DOCK11: variants seen among roughly 807,000 people sequenced by gnomAD.
DOCK11 encodes dedicator of cytokinesis 11.
Under a neutral mutation model 169.1 loss-of-function variants are expected in DOCK11, and 70 were observed. The observed-to-expected ratio is 0.41, with a 90% confidence interval of 0.34 to 0.51. The LOEUF is 0.51. Among genes scored for constraint, DOCK11 ranks in the 20% least tolerant of loss-of-function variants. DOCK11 has a pLI of 0.10. For synonymous variants in DOCK11, 529 were observed against 541.3 expected (o/e 0.98, Z 0.32); for missense variants, 1,166 against 1,538.8 (o/e 0.76, Z 4.05).
chrX:118,662,610 C>A, intron 44 of DOCK11, 76 bp from the exon 45 acceptor site: 1 of 505,653 alleles, frequency 2.0e-6, no homozygotes, highest in Non-Finnish European at 3.4e-6. Context: ...TTAAATAGCC[C>A]ATCTCTGTAA....
chrX:118,530,156 C>T (rs745477427), intron 1 of DOCK11, among the ~76,000 whole-genome samples: 1 of 112,871 alleles, frequency 8.9e-6, no homozygotes, highest in East Asian at 2.8e-4. Flanking sequence ...ATCTCTGTCA[C>T]ACAAGGACAA....
intron 48 of DOCK11, among the ~76,000 whole-genome samples, chrX:118,678,722 C>G (rs188361230): frequency 3.6e-5 from 4 of 110,123 alleles, no homozygotes; most frequent in African/African-American, 1.3e-4. Flanking sequence ...ATCCACCCAC[C>G]TCAGCCTCCC....
chrX:118,664,050 T>G (rs1280198594), intron 45 of DOCK11, among the ~76,000 whole-genome samples: 3 of 110,810 alleles, frequency 2.7e-5, no homozygotes, highest in Non-Finnish European at 3.8e-5. Context: ...ATGTGGGAGA[T>G]GTATTGAAGA....
intron 6 of DOCK11, among the ~76,000 whole-genome samples, chrX:118,557,900 G>A (rs1411413993): frequency 2.8e-5 from 3 of 109,056 alleles, no homozygotes; most frequent in East Asian, 2.9e-4. Flanking sequence ...AGCCATTGGA[G>A]GATTTGGGCA....
intron 6 of DOCK11, among the ~76,000 whole-genome samples, chrX:118,553,255 G>T (rs1279405647): frequency 8.9e-6 from 1 of 111,783 alleles, no homozygotes; most frequent in African/African-American, 3.3e-5. Flanking sequence ...ATTTAATGTG[G>T]GTTTAGATAG....
chrX:118,555,688 G>A (rs771918480), intron 6 of DOCK11, among the ~76,000 whole-genome samples: 2 of 111,727 alleles, frequency 1.8e-5, no homozygotes, highest in East Asian at 5.6e-4. Flanking sequence ...TGGCATTCTG[G>A]TGTCATTACT....
At chrX:118,652,767 A>G (rs945269848) in intron 42 of DOCK11, among the ~76,000 whole-genome samples, 3 of 112,427 alleles carry the variant, frequency 2.7e-5, no homozygotes, top group Admixed American at 1.9e-4. Flanking sequence ...TCCTTTGCCA[A>G]TAGGACTTTT....
chrX:118,507,630 A>G (rs750666424), intron 1 of DOCK11, among the ~76,000 whole-genome samples: 2 of 112,090 alleles, frequency 1.8e-5, no homozygotes, highest in African/African-American at 3.2e-5. Context: ...AATTACAGGC[A>G]TGAGCCACCG....
chrX:118,548,146 AATAAG>A (rs1286781657), intron 6 of DOCK11, among the ~76,000 whole-genome samples: 3 of 112,755 alleles, frequency 2.7e-5, no homozygotes, highest in East Asian at 5.5e-4. Context: ...GGATTCATAA[AATAAG>A]ATGTTAGGAA....
chrX:118,602,155 G>A lies in DOCK11; in HGVS notation c.2562+2927G>A, dbSNP rs142221812. Among the ~76,000 whole-genome samples the A allele has an allele frequency of 4.3e-3, 420 of 97,647 alleles. 3 individuals carry two copies. The highest frequency in any genetic ancestry group is 0.015 in the African/African-American group (403 of 26,309). The allele number at this position is 97,647 out of a possible 115,157, so 84.8% of individuals were successfully genotyped here. On this transcript the variant is annotated intron_variant, in intron 23 of 52. Transcript: ENST00000276202. ...GCTGGGGCCCAAGTAGAGGTGACTT[G>A]CCTGTAGACATTCAACTGGTTAGTA...
intron 1 of DOCK11, among the ~76,000 whole-genome samples, chrX:118,505,302 C>T (rs1053226381): frequency 8.9e-6 from 1 of 112,458 alleles, no homozygotes; most frequent in Non-Finnish European, 1.9e-5. Context: ...GCTGGGATTA[C>T]AGGCGTGAGA....
At chrX:118,510,072 A>G (rs1248823773) in intron 1 of DOCK11, among the ~76,000 whole-genome samples, 3 of 112,458 alleles carry the variant, frequency 2.7e-5, no homozygotes, top group Admixed American at 9.4e-5. Context: ...CCTTAATTTA[A>G]TCATGCCTGC....
intron 35 of DOCK11, among the ~76,000 whole-genome samples, chrX:118,631,893 C>G (rs2015251940): frequency 1.8e-5 from 2 of 110,956 alleles, no homozygotes; most frequent in Non-Finnish European, 3.8e-5. Context: ...ACATATACAT[C>G]ACATTCTATA....
chrX:118,520,195 A>T (rs1260333491), intron 1 of DOCK11, among the ~76,000 whole-genome samples: 1 of 112,038 alleles, frequency 8.9e-6, no homozygotes, highest in Admixed American at 9.5e-5. Context: ...AACCAATATG[A>T]TATTGGTTTA....
chrX:118,684,496 G>A (rs1026573393), intron 52 of DOCK11, among the ~76,000 whole-genome samples: 2 of 108,747 alleles, frequency 1.8e-5, no homozygotes, highest in South Asian at 4.0e-4. Flanking sequence ...GGATGGTGTC[G>A]ATCTCCTGAC....
chrX:118,641,354 T>G (rs1208316168), intron 39 of DOCK11, 49 bp downstream of exon 39: 1 of 931,541 alleles, frequency 1.1e-6, no homozygotes, highest in Admixed American at 2.4e-5. Context: ...AAAGTAACAT[T>G]ATGCAGAAAT....
At chrX:118,589,842 A>AG (rs2013928473) in intron 18 of DOCK11, among the ~76,000 whole-genome samples, 1 of 112,566 alleles carries the variant, frequency 8.9e-6, no homozygotes, top group Non-Finnish European at 1.9e-5. Flanking sequence ...CGACTGGTTG[A>AG]GGGGGAGCCT....
At chrX:118,623,079 G>A (rs1489145497) in intron 31 of DOCK11, among the ~76,000 whole-genome samples, 4 of 111,565 alleles carry the variant, frequency 3.6e-5, no homozygotes, top group Non-Finnish European at 1.9e-5. Flanking sequence ...TTAGCCAGGC[G>A]TGGTGGTGGA....
chrX:118,604,521 CTTTTTTTTTTTTT>C (rs74504860), intron 23 of DOCK11, among the ~76,000 whole-genome samples: 4 of 38,195 alleles, frequency 1.0e-4, no homozygotes, highest in East Asian at 2.1e-3. Context: ...GGTTTGTTTC[CTTTTTTTTTTTTT>C]TTTTTTTTTT....
Sources: allele counts gnomAD v4.1 joint callset (sites outside exome capture counted in the v4.1 genomes callset), GRCh38; gene constraint gnomAD v4.1.1; transcripts MANE v1.5; gene names NCBI Gene and HGNC (gene_info 2026-07-23, HGNC 2026-07-21).